AP2A2: variants seen among roughly 807,000 people sequenced by gnomAD.
AP2A2 encodes AP-2 complex subunit alpha-2.
Under a neutral mutation model 104.2 loss-of-function variants are expected in AP2A2, and 32 were observed. That is an observed-to-expected ratio of 0.31 (90% CI 0.23 to 0.41). AP2A2 has a LOEUF of 0.41. Among genes scored for constraint, AP2A2 ranks in the 10% least tolerant of loss-of-function variants. The pLI, the probability that AP2A2 is intolerant of heterozygous loss-of-function variation, is 1.00. For synonymous variants in AP2A2, 539 were observed against 533.3 expected, an observed-to-expected ratio of 1.01 and a Z score of -0.15; for missense variants, 912 against 1,261.0, an observed-to-expected ratio of 0.72 and a Z score of 4.19.
chr11:987,023 G>A (rs928190284), intron 9 of AP2A2, 70 bp downstream of exon 9: 2 of 1,503,004 alleles, frequency 1.3e-6, no homozygotes, highest in African/African-American at 1.4e-5. Context: ...TGAAGGCTGG[G>A]GGTACGCAGT....
intron 2 of AP2A2, among the ~76,000 whole-genome samples, chr11:961,826 G>T (rs1275722920): frequency 3.5e-5 from 5 of 140,946 alleles, no homozygotes; most frequent in African/African-American, 1.4e-4. Context: ...GAAAAGTAAA[G>T]GGCGGAAGCA....
intron 5 of AP2A2, 139 bp downstream of exon 5, chr11:977,363 A>G: frequency 3.4e-6 from 4 of 1,177,844 alleles, no homozygotes; most frequent in Non-Finnish European, 4.6e-6. Context: ...TGCTGAGGCC[A>G]CGGGGGCCCT....
chr11:984,840 A>T (rs1480891554), intron 7 of AP2A2, 87 bp downstream of exon 7: 2 of 1,175,548 alleles, frequency 1.7e-6, no homozygotes, highest in Non-Finnish European at 2.5e-6. Context: ...TGTTATTTTA[A>T]GAAGTGTGTT....
chr11:945,436 C>T (rs542488438), intron 1 of AP2A2, among the ~76,000 whole-genome samples: 38 of 152,270 alleles, frequency 2.5e-4, no homozygotes, highest in Non-Finnish European at 4.0e-4. Flanking sequence ...TGGGTTCAAG[C>T]GATTCTCCTG....
At chr11:942,552 A>G (rs1320328662) in intron 1 of AP2A2, among the ~76,000 whole-genome samples, 1 of 152,196 alleles carries the variant, frequency 6.6e-6, no homozygotes, top group Non-Finnish European at 1.5e-5. Context: ...TAGTCAGTAG[A>G]TTCTGTTATT....
At chr11:953,545 GCC>G (rs58494894) in intron 1 of AP2A2, among the ~76,000 whole-genome samples, 3 of 105,896 alleles carry the variant, frequency 2.8e-5, no homozygotes, top group African/African-American at 9.2e-5. Flanking sequence ...TACCGTAAGA[GCC>G]CCCCCCCCCC....
In AP2A2 at chr11:968,693, G is replaced by A. The variant is rs888051440; in HGVS notation, c.137-1476G>A. Among the ~76,000 whole-genome samples, 1 of 151,912 alleles carries A rather than the reference G, an allele frequency of 6.6e-6. No individual in the cohort carries two copies. The highest frequency in any genetic ancestry group is 1.5e-5 in the Non-Finnish European group (1 of 67,980). On this transcript the variant is annotated intron_variant, in intron 2 of 21. Coordinates refer to ENST00000448903, the MANE Select transcript of AP2A2 (RefSeq NM_012305.4). This position sits in a 1 kb window ranked among gnomAD's most constrained non-coding sequence, Gnocchi z 4.2. ...GTGGAGGATCTCTGCTGCGCAGCCC[G>A]TGCTCAGCTGTGTGTGCCCTCCTGC...
chr11:937,625 A>G lies in AP2A2; in HGVS notation c.67+11537A>G, dbSNP rs114313621. Among the ~76,000 whole-genome samples, 258 of 152,296 alleles carry G rather than the reference A, an allele frequency of 1.7e-3. 1 individual carries two copies. The highest frequency in any genetic ancestry group is 6.1e-3 in the African/African-American group (252 of 41,562). ...GTCTCAAAACACCACCACCAAATTC[A>G]CATTAGCCTACAGTTGGGCAAAACC... On this transcript the variant is annotated intron_variant, in intron 1 of 21. Transcript: ENST00000448903.
Position 978,289 on chromosome 11 carries a change from C to T in AP2A2, c.603+1065C>T, listed in dbSNP as rs140053292. On this transcript the variant is annotated intron_variant, in intron 5 of 21. Coordinates refer to ENST00000448903, the MANE Select transcript of AP2A2 (RefSeq NM_012305.4). ...GCCTTCTGCAGACAGGATCTGTGCA[C>T]GCTCTGTGGGACTGGCCGGGACTGC... 2.3e-3 allele frequency among the ~76,000 whole-genome samples: 356 copies of T among 152,254 alleles called. 11 individuals are homozygous for T. The East Asian group carries it at 0.058, about 25-fold the overall frequency.
chr11:952,459 C>T (rs1423558372), intron 1 of AP2A2, among the ~76,000 whole-genome samples: 6 of 152,198 alleles, frequency 3.9e-5, no homozygotes, highest in African/African-American at 1.4e-4. Context: ...GTGTTCTTTG[C>T]TACTTCATGG....
chr11:945,266 A>G (rs1416410707), intron 1 of AP2A2, among the ~76,000 whole-genome samples: 1 of 152,084 alleles, frequency 6.6e-6, no homozygotes, highest in African/African-American at 2.4e-5. Flanking sequence ...GGCAGCCAAA[A>G]CCAGATGGTA....
At chr11:1,009,955 A>C in intron 21 of AP2A2, 138 bp downstream of exon 21, 6 of 1,156,806 alleles carry the variant, frequency 5.2e-6, no homozygotes, top group Non-Finnish European at 7.2e-6. Context: ...CTGTCAATAC[A>C]TGGTTGCCTC....
At chr11:934,226 T>C (rs1303408147) in intron 1 of AP2A2, among the ~76,000 whole-genome samples, 1 of 152,188 alleles carries the variant, frequency 6.6e-6, no homozygotes, top group East Asian at 1.9e-4. Flanking sequence ...ATAACACTTC[T>C]AGCCGGGGGT....
At chr11:955,626 G>C (rs1267245906) in intron 1 of AP2A2, among the ~76,000 whole-genome samples, 1 of 152,206 alleles carries the variant, frequency 6.6e-6, no homozygotes, top group Non-Finnish European at 1.5e-5. Context: ...ACAGTGCTTG[G>C]GTCGGGGAGC....
At chr11:959,312 C>T (rs1854348316) in intron 1 of AP2A2, 125 bp from the exon 2 acceptor site, 1 of 708,230 alleles carries the variant, frequency 1.4e-6, no homozygotes, top group Admixed American at 2.9e-5. Context: ...TCTGCTTCGG[C>T]TTTTCTCCTG....
At position 993,812 on chromosome 11, in the gene AP2A2, C is replaced by T. The variant is rs1855748317; in HGVS notation, c.1609C>T (p.Arg537Cys). The change falls in exon 13 of 22, where the codon CGC becomes TGC. Residue 537 changes from arginine to cysteine, a missense_variant. Coordinates refer to ENST00000448903, the MANE Select transcript of AP2A2 (RefSeq NM_012305.4). This position sits in a 1 kb window ranked among gnomAD's most constrained non-coding sequence, Gnocchi z 8.2. ...SKFHLCSVPT[R>C]ALLLSTYIKF... is the part of the protein sequence containing the mutation. ...GTTCCACCTGTGCAGCGTCCCCACC[C>T]GCGCGCTGCTCCTGTCCACCTACAT... 3.7e-6 allele frequency: 6 copies of T among 1,607,664 alleles called. No individual in the cohort carries two copies. The highest frequency in any genetic ancestry group is 1.1e-5 in the South Asian group (1 of 90,776).
chr11:958,959 A>G (rs1372522132), intron 1 of AP2A2, among the ~76,000 whole-genome samples: 2 of 152,222 alleles, frequency 1.3e-5, no homozygotes, highest in East Asian at 1.9e-4. Flanking sequence ...TCGAGGAAGA[A>G]ACTGTGGAGG....
intron 1 of AP2A2, among the ~76,000 whole-genome samples, chr11:927,874 G>A (rs1253396088): frequency 6.8e-6 from 1 of 146,062 alleles, no homozygotes; most frequent in African/African-American, 2.5e-5. Context: ...GCACTTTTAC[G>A]AGTAGCATTT....
chr11:970,282 A>G lies in AP2A2; in HGVS notation c.250A>G (p.Ser84Gly). 6.2e-7 allele frequency: 1 copy of G among 1,613,898 alleles called. No individual in the cohort carries two copies. Among genetic ancestry groups the G allele is most frequent in the Non-Finnish European group, 8.5e-7 (1 of 1,179,826 alleles). Residue 84 changes from serine to glycine, a missense_variant, in exon 3 of 22, where the codon AGT becomes GGT. Ser to Gly is a moderately conservative substitution (Grantham distance 56). Around this residue, in one of 7 missense-constraint regions of AP2A2, gnomAD observed 350 missense variants for 487.0 expected, o/e 0.72. Coordinates refer to ENST00000448903, the MANE Select transcript of AP2A2 (RefSeq NM_012305.4). Reference sequence around the variant, plus strand: ...ACACATGGAGGCTGTGAACCTGCTGAGTTCAAACAGATACACGGAAAAGCA... The same window carrying G: ...ACACATGGAGGCTGTGAACCTGCTGGGTTCAAACAGATACACGGAAAAGCA... ...FGHMEAVNLL[S>G]SNRYTEKQIG...
Sources: allele counts gnomAD v4.1 joint callset (sites outside exome capture counted in the v4.1 genomes callset), GRCh38; gene constraint gnomAD v4.1.1; regional missense constraint gnomAD v4.1.1; non-coding constraint Gnocchi (gnomAD v3.1); transcripts MANE v1.5; gene names NCBI Gene and HGNC (gene_info 2026-07-23, HGNC 2026-07-21).